The following NTNG1 variants were observed in gnomAD, a reference collection of about 807,000 sequenced individuals.
The protein encoded by NTNG1 is netrin-G1.
In NTNG1, 16 loss-of-function variants were observed where a neutral mutation model predicts 54.0. The observed-to-expected ratio is 0.30, with a 90% CI of 0.20 to 0.45. NTNG1 has a LOEUF of 0.45. Among genes scored for constraint, NTNG1 ranks in the 20% least tolerant of loss-of-function variants. NTNG1 has a pLI of 1.00. For missense variants in NTNG1, 530 were observed against 678.7 expected, an observed-to-expected ratio of 0.78 and a Z score of 2.43; for synonymous variants, 255 against 263.1, an observed-to-expected ratio of 0.97 and a Z score of 0.30.
intron 3 of NTNG1, among the ~76,000 whole-genome samples, chr1:107,384,915 A>G (rs1421575204): frequency 6.6e-6 from 1 of 152,230 alleles, no homozygotes; most frequent in Non-Finnish European, 1.5e-5. Flanking sequence ...TACATCTTCT[A>G]AAAACATTTT....
rs545544519 is a variant in NTNG1, at chr1:107,459,516, A to G, written c.1391-21095A>G. The stretch of plus-strand genomic sequence containing the variant: ...GAGGAAAAAAAGGCAGGGGTAAAAA[A>G]TAAAAAGTTGCCAAAAGAAAAAAAA... On this transcript the variant is annotated intron_variant, in intron 7 of 7. Transcript: ENST00000370068. Among the ~76,000 whole-genome samples, 28 of 152,342 alleles carry G rather than the reference A, an allele frequency of 1.8e-4. No individual in the cohort carries two copies. The South Asian group carries it at 4.1e-3, about 23-fold the overall frequency.
chr1:107,332,574 A>T (rs1008652889), intron 3 of NTNG1, among the ~76,000 whole-genome samples: 1 of 151,964 alleles, frequency 6.6e-6, no homozygotes, highest in Non-Finnish European at 1.5e-5. Context: ...TGTACCTAGG[A>T]TCAGAGTTTT....
chr1:107,448,455 A>G (rs967337761), intron 7 of NTNG1, among the ~76,000 whole-genome samples: 4 of 152,076 alleles, frequency 2.6e-5, no homozygotes, highest in African/African-American at 9.7e-5. Flanking sequence ...GTGATCCCTC[A>G]ATGGGTATGA....
intron 6 of NTNG1, among the ~76,000 whole-genome samples, chr1:107,431,773 G>GAAAAAT (rs1675283013): frequency 6.6e-6 from 1 of 152,162 alleles, no homozygotes; most frequent in South Asian, 2.1e-4. Context: ...TTGAAATGCT[G>GAAAAAT]AAAAATATAT....
chr1:107,334,891 G>A (rs1460299641), intron 3 of NTNG1, among the ~76,000 whole-genome samples: 3 of 151,982 alleles, frequency 2.0e-5, no homozygotes, highest in Non-Finnish European at 4.4e-5. Flanking sequence ...TTCCCATTAG[G>A]TATGCTATGG....
At chr1:107,455,039 C>T (rs148924384) in intron 7 of NTNG1, among the ~76,000 whole-genome samples, 4 of 151,978 alleles carry the variant, frequency 2.6e-5, no homozygotes, top group African/African-American at 7.2e-5. Context: ...GACTCTTGAA[C>T]ATTAGTCACT....
Position 107,389,662 on chromosome 1 carries a change from C to T in NTNG1, c.888-5492C>T, listed in dbSNP as rs542478749. ...CTGCCTTAGCGACACCCTTATTTGG[C>T]AATGTCTGCCATTTATCACTTGCAC... On this transcript the variant is annotated intron_variant, in intron 3 of 7. Transcript: ENST00000370068. Among the ~76,000 whole-genome samples the T allele has an allele frequency of 9.5e-4, 144 of 152,206 alleles. 3 individuals carry two copies. The highest frequency in any genetic ancestry group is 1.8e-3 in the Non-Finnish European group (122 of 68,042).
At chr1:107,181,270 A>C (rs1285910295) in intron 2 of NTNG1, among the ~76,000 whole-genome samples, 1 of 152,230 alleles carries the variant, frequency 6.6e-6, no homozygotes, top group Admixed American at 6.5e-5. Flanking sequence ...TGAGTTCTAA[A>C]TAAAAAATAC....
chr1:107,255,283 G>A (rs937414592), intron 2 of NTNG1, among the ~76,000 whole-genome samples: 3 of 151,982 alleles, frequency 2.0e-5, no homozygotes, highest in South Asian at 2.1e-4. Context: ...ATTAAACATC[G>A]TAACCATCAT....
At chr1:107,365,498 T>C (rs976393589) in intron 3 of NTNG1, among the ~76,000 whole-genome samples, 2 of 152,176 alleles carry the variant, frequency 1.3e-5, no homozygotes, top group African/African-American at 4.8e-5. Context: ...CATGAATATA[T>C]ATATTCATTT....
chr1:107,383,445 T>C (rs1043206496), intron 3 of NTNG1, among the ~76,000 whole-genome samples: 1 of 151,992 alleles, frequency 6.6e-6, no homozygotes, highest in Non-Finnish European at 1.5e-5. Context: ...AAAACCTAAA[T>C]GAAAGAAATA....
chr1:107,353,125 A>C (rs962514688), intron 3 of NTNG1, among the ~76,000 whole-genome samples: 3 of 152,124 alleles, frequency 2.0e-5, no homozygotes, highest in Non-Finnish European at 4.4e-5. Flanking sequence ...TCTTATGCAA[A>C]TTTCTGTAGC....
intron 5 of NTNG1, among the ~76,000 whole-genome samples, chr1:107,417,313 G>A (rs2101211799): frequency 6.6e-6 from 1 of 152,124 alleles, no homozygotes; most frequent in African/African-American, 2.4e-5. Context: ...CAACATTTCT[G>A]TTGGCTCTAT....
At position 107,324,350 on chromosome 1, in the gene NTNG1, G is replaced by C. The variant is rs1667824448; in HGVS notation, c.315G>C (p.Leu105=). The change falls in exon 3 of 8, where the codon CTG becomes CTC. Residue 105 remains leucine, a synonymous_variant. Transcript: ENST00000370068. Reference sequence around the variant, plus strand: ...CTGAGCTGGCACACCCCCCTGAGCTGATGTTTGATTTTGAAGGAAGACATC... The same window carrying C: ...CTGAGCTGGCACACCCCCCTGAGCTCATGTTTGATTTTGAAGGAAGACATC... ...STPELAHPPE[L]MFDFEGRHPS... 2 of 1,613,758 alleles carry C rather than the reference G, an allele frequency of 1.2e-6. No individual in the cohort carries two copies. Among genetic ancestry groups the C allele is most frequent in the Non-Finnish European group, 1.7e-6 (2 of 1,179,814 alleles).
At chr1:107,461,848 A>C (rs1677303356) in intron 7 of NTNG1, among the ~76,000 whole-genome samples, 2 of 152,112 alleles carry the variant, frequency 1.3e-5, no homozygotes, top group African/African-American at 2.4e-5. Context: ...CATGGATTCT[A>C]TTCCAAGTTC....
chr1:107,247,998 C>T (rs967695287), intron 2 of NTNG1, among the ~76,000 whole-genome samples: 1 of 152,200 alleles, frequency 6.6e-6, no homozygotes, highest in African/African-American at 2.4e-5. Flanking sequence ...TCCCATAGAA[C>T]TAGGAGTGGT....
intron 7 of NTNG1, among the ~76,000 whole-genome samples, chr1:107,480,052 G>C (rs985949921): frequency 3.3e-5 from 5 of 151,746 alleles, no homozygotes; most frequent in African/African-American, 9.7e-5. Flanking sequence ...CGCCTGCCTG[G>C]AGCATGCTAC....
intron 3 of NTNG1, among the ~76,000 whole-genome samples, chr1:107,391,102 C>T (rs1245548952): frequency 1.3e-5 from 2 of 152,120 alleles, no homozygotes; most frequent in Non-Finnish European, 2.9e-5. Context: ...GAGTAGAATG[C>T]TGTAGGCAGA....
chr1:107,373,362 C>T (rs1333869353), intron 3 of NTNG1, among the ~76,000 whole-genome samples: 2 of 151,780 alleles, frequency 1.3e-5, no homozygotes, highest in African/African-American at 4.8e-5. Context: ...TACAATAGTA[C>T]TTCCATTTCT....
Sources: allele counts gnomAD v4.1 joint callset (sites outside exome capture counted in the v4.1 genomes callset), GRCh38; gene constraint gnomAD v4.1.1; transcripts MANE v1.5; gene names NCBI Gene and HGNC (gene_info 2026-07-23, HGNC 2026-07-21).